The following LRP1B variants were observed in gnomAD, a reference collection of about 807,000 sequenced individuals.
LRP1B encodes low-density lipoprotein receptor-related protein 1B.
LRP1B carries 217 observed loss-of-function variants against 556.6 expected under a neutral mutation model. The observed-to-expected ratio is 0.39, with a 90% CI of 0.35 to 0.44. The LOEUF is 0.44. LRP1B is among the 20% of genes least tolerant of loss of function. LRP1B has a pLI of 1.00. For synonymous variants in LRP1B, 2,047 were observed against 1,865.8 expected, an observed-to-expected ratio of 1.10 and a Z score of -2.50; for missense variants, 5,053 against 5,620.8, an observed-to-expected ratio of 0.90 and a Z score of 3.23.
intron 3 of LRP1B, among the ~76,000 whole-genome samples, chr2:141,267,601 G>T (rs1684937561): frequency 6.6e-6 from 1 of 152,116 alleles, no homozygotes; most frequent in South Asian, 2.1e-4. Flanking sequence ...ACCAATATCA[G>T]ATCTTTGCCT....
chr2:140,350,891 T>A lies in LRP1B; in HGVS notation c.11798A>T (p.Asp3933Val). 2 of 1,610,512 alleles carry A rather than the reference T, an allele frequency of 1.2e-6. No homozygotes were observed. The highest frequency in any genetic ancestry group is 1.7e-6 in the Non-Finnish European group (2 of 1,177,442). ...ITGMDVYYQR[D>V]MIIWSTQFNP... is the part of the protein sequence containing the mutation. ...AAACTGAGTACTCCAAATAATCATA[T>A]CTCTTTGATAATATACATCCATCCC... is the stretch of plus-strand genomic sequence containing the variant. The change falls in exon 77 of 91, where the codon GAT becomes GTT. Residue 3933 changes from aspartate to valine, a missense_variant. By Grantham distance (152) the Asp-to-Val change is radical. Around this residue, in one of 5 missense-constraint regions of LRP1B, gnomAD observed 599 missense variants for 648.4 expected, o/e 0.92. Coordinates refer to ENST00000389484, the MANE Select transcript of LRP1B (RefSeq NM_018557.3).
At chr2:141,436,223 A>G (rs4583398) in intron 3 of LRP1B, among the ~76,000 whole-genome samples, 35,481 of 152,064 alleles carry the variant, frequency 0.23, 4,420 homozygotes, top group East Asian at 0.45. Context: ...AATGAAATTA[A>G]CTAACATATC....
chr2:141,734,795 T>C (rs753969659), intron 2 of LRP1B, among the ~76,000 whole-genome samples: 38 of 152,138 alleles, frequency 2.5e-4, no homozygotes, highest in Non-Finnish European at 7.4e-5. Context: ...TGAAAGCATT[T>C]TATAATAACA....
intron 2 of LRP1B, among the ~76,000 whole-genome samples, chr2:141,604,847 C>A (rs1334669841): frequency 1.3e-5 from 2 of 152,044 alleles, no homozygotes; most frequent in Admixed American, 6.6e-5. Context: ...TCCTCCTCAG[C>A]CTTCAATTGT....
chr2:140,759,845 C>T (rs924052294), intron 35 of LRP1B, among the ~76,000 whole-genome samples: 4 of 152,126 alleles, frequency 2.6e-5, no homozygotes, highest in African/African-American at 9.7e-5. Flanking sequence ...GGTGTGCATA[C>T]AAATACAAAT....
At chr2:140,754,715 T>TA in intron 35 of LRP1B, among the ~76,000 whole-genome samples, 1 of 151,496 alleles carries the variant, frequency 6.6e-6, no homozygotes, top group Non-Finnish European at 1.5e-5. Flanking sequence ...ATGCCTACAT[T>TA]ATACAAGAAG....
At position 140,784,376 on chromosome 2, in the gene LRP1B, C is replaced by CCACACACACACACACA. The variant is rs143661527; in HGVS notation, c.5360-8154_5360-8139dup. ...AAGAGATAATTGGAGGATTCTGCCT[C>CCACACACACACACACA]CACACACACACACACACACACACAC... On this transcript the variant is annotated intron_variant, in intron 32 of 90. Transcript: ENST00000389484. Among the ~76,000 whole-genome samples, 624 of 126,650 alleles carry CCACACACACACACACA rather than the reference C, an allele frequency of 4.9e-3. 4 individuals are homozygous for CCACACACACACACACA. The highest frequency in any genetic ancestry group is 9.9e-3 in the South Asian group (33 of 3,332). The allele number at this position is 126,650 out of a possible 152,430, so 83.1% of individuals were successfully genotyped here. A position where few individuals can be genotyped will look rare whatever the true frequency, so the allele number is the denominator to read the frequency against.
At chr2:140,762,298 C>A (rs1209662209) in intron 35 of LRP1B, among the ~76,000 whole-genome samples, 1 of 152,102 alleles carries the variant, frequency 6.6e-6, no homozygotes, top group African/African-American at 2.4e-5. Context: ...TAGGGCATCT[C>A]AAAGCAACCA....
In LRP1B at chr2:141,480,159, TTGTGTGTGTG is replaced by T. The variant is rs5834837; in HGVS notation, c.343+227_343+236del. Among the ~76,000 whole-genome samples, 1,273 of 149,970 alleles carry T rather than the reference TTGTGTGTGTG, an allele frequency of 8.5e-3. 23 individuals are homozygous for T. Among genetic ancestry groups the T allele is most frequent in the African/African-American group, 0.029 (1,186 of 40,818 alleles). On this transcript the variant is annotated intron_variant, in intron 3 of 90. Coordinates refer to ENST00000389484, the MANE Select transcript of LRP1B (RefSeq NM_018557.3). ...AAGAGCCCAACTTCAAAGTCTAAAT[TTGTGTGTGTG>T]TGTGTGTGTGTGTGTGTGTGTGTGT...
intron 1 of LRP1B, among the ~76,000 whole-genome samples, chr2:142,011,676 C>T (rs184353361): frequency 4.6e-5 from 7 of 152,096 alleles, no homozygotes; most frequent in African/African-American, 9.6e-5. Context: ...TACTCCAGGC[C>T]CCTGAAACTG....
At chr2:141,383,788 T>C (rs1164416574) in intron 3 of LRP1B, among the ~76,000 whole-genome samples, 9 of 152,166 alleles carry the variant, frequency 5.9e-5, no homozygotes, top group Admixed American at 5.9e-4. Flanking sequence ...TATTCATGTG[T>C]GGAATATAAA....
At chr2:141,577,839 T>A (rs1265752355) in intron 2 of LRP1B, among the ~76,000 whole-genome samples, 2 of 152,218 alleles carry the variant, frequency 1.3e-5, no homozygotes, top group Non-Finnish European at 2.9e-5. Context: ...TCAGTCTTCA[T>A]AAACTATTAT....
At chr2:141,122,362 G>T (rs977859521) in intron 7 of LRP1B, among the ~76,000 whole-genome samples, 3 of 150,960 alleles carry the variant, frequency 2.0e-5, no homozygotes, top group African/African-American at 7.3e-5. Flanking sequence ...TCTGACAAAG[G>T]GCTAATATCC....
intron 3 of LRP1B, among the ~76,000 whole-genome samples, chr2:141,407,018 A>T (rs1690669225): frequency 6.6e-6 from 1 of 152,160 alleles, no homozygotes; most frequent in Non-Finnish European, 1.5e-5. Context: ...TCACATCTAC[A>T]ATATTTCTGT....
At chr2:140,850,676 G>T (rs968295646) in intron 28 of LRP1B, among the ~76,000 whole-genome samples, 13 of 152,066 alleles carry the variant, frequency 8.5e-5, no homozygotes, top group African/African-American at 3.1e-4. Context: ...CTACAATATT[G>T]TATTGCATTA....
chr2:142,127,715 C>A (rs780931890), intron 1 of LRP1B, among the ~76,000 whole-genome samples: 2 of 151,868 alleles, frequency 1.3e-5, no homozygotes, highest in African/African-American at 2.4e-5. Context: ...CATTTAATTG[C>A]CATTGTTTGA....
intron 2 of LRP1B, among the ~76,000 whole-genome samples, chr2:141,505,164 T>C (rs1683876616): frequency 6.6e-6 from 1 of 151,942 alleles, no homozygotes. Context: ...AAGTCATTTC[T>C]ATTATACTGA....
chr2:141,710,331 A>AT lies in LRP1B; in HGVS notation c.205+99947dup, dbSNP rs879605944. Among the ~76,000 whole-genome samples the AT allele has an allele frequency of 3.1e-3, 474 of 151,396 alleles. 1 individual carries two copies. The highest frequency in any genetic ancestry group is 5.2e-3 in the Non-Finnish European group (353 of 67,748). ...AATATATTCAGGAGGATGAATACTG[A>AT]TTTTTTTTTGTTGGGAAAAGCTAGC... On this transcript the variant is annotated intron_variant, in intron 2 of 90. Coordinates refer to ENST00000389484, the MANE Select transcript of LRP1B (RefSeq NM_018557.3).
chr2:141,253,265 A>T (rs1172975273), intron 4 of LRP1B, among the ~76,000 whole-genome samples: 1 of 152,146 alleles, frequency 6.6e-6, no homozygotes, highest in Non-Finnish European at 1.5e-5. Flanking sequence ...ATTTTCCAGA[A>T]CATCTGAACT....
Sources: gnomAD v4.1 joint callset for allele counts (sites outside exome capture counted in the v4.1 genomes callset) on GRCh38, gnomAD v4.1.1 for gene constraint, gnomAD v4.1.1 regional missense constraint, MANE v1.5 for transcripts, NCBI Gene and HGNC (gene_info 2026-07-23, HGNC 2026-07-21) for gene names.